Variants in FABP12 observed in about 807,000 individuals in gnomAD.
FABP12 encodes the protein fatty acid-binding protein 12.
FABP12 carries 19 observed loss-of-function variants against 13.7 expected under a neutral mutation model. The observed-to-expected ratio is 1.39, with a 90% CI of 0.97 to 2.04. The LOEUF is 2.04. Ranked by LOEUF, FABP12 falls within the 30% of genes most tolerant of loss-of-function variation. The pLI, the probability that FABP12 is intolerant of heterozygous loss-of-function variation, is 0.00. For missense variants in FABP12, 182 were observed against 164.2 expected, an observed-to-expected ratio of 1.11 and a Z score of -0.59; for synonymous variants, 61 against 57.0, an observed-to-expected ratio of 1.07 and a Z score of -0.32.
chr8:81,548,805 G>T (rs1809478901), intron 1 of FABP12, among the ~76,000 whole-genome samples: 2 of 152,118 alleles, frequency 1.3e-5, no homozygotes, highest in South Asian at 2.1e-4. Context: ...TGGGGGTGGG[G>T]CTGATAATGT....
chr8:81,554,758 C>T (rs183052281), intron 1 of FABP12, among the ~76,000 whole-genome samples: 181 of 151,946 alleles, frequency 1.2e-3, no homozygotes, highest in Non-Finnish European at 1.5e-3. Context: ...AGAATTGTCT[C>T]GGGCTACATA....
chr8:81,561,568 G>A (rs1438860624), intron 1 of FABP12, among the ~76,000 whole-genome samples: 1 of 152,186 alleles, frequency 6.6e-6, no homozygotes, highest in African/African-American at 2.4e-5. Context: ...ACTGAGAGAG[G>A]CACTGAAGAG....
chr8:81,537,458 C>T (rs113851329), upstream of FABP12, among the ~76,000 whole-genome samples: 21 of 151,980 alleles, frequency 1.4e-4, no homozygotes, highest in African/African-American at 2.7e-4. Flanking sequence ...GTTTTCCATG[C>T]GGTTCTAATG....
At chr8:81,545,899 C>G (rs1809428183) in intron 1 of FABP12, among the ~76,000 whole-genome samples, 1 of 152,198 alleles carries the variant, frequency 6.6e-6, no homozygotes, top group African/African-American at 2.4e-5. Flanking sequence ...TCTAGAAAGT[C>G]ATAGGTCCAC....
chr8:81,546,592 G>A (rs1809438002), intron 1 of FABP12, among the ~76,000 whole-genome samples: 1 of 152,176 alleles, frequency 6.6e-6, no homozygotes, highest in African/African-American at 2.4e-5. Flanking sequence ...CAACCTGGGA[G>A]GTGGAGTGAG....
chr8:81,528,715 A>C (rs1808975608), intron 3 of FABP12, among the ~76,000 whole-genome samples: 1 of 152,074 alleles, frequency 6.6e-6, no homozygotes, highest in Non-Finnish European at 1.5e-5. Flanking sequence ...ATACGTGTAG[A>C]AGTAAATTAC....
chr8:81,548,640 C>T (rs1191185687), intron 1 of FABP12, among the ~76,000 whole-genome samples: 1 of 152,126 alleles, frequency 6.6e-6, no homozygotes, highest in Non-Finnish European at 1.5e-5. Context: ...CCCACAAGGT[C>T]GGGCCTCTCT....
chr8:81,577,149 A>C (rs1434610227), intron 1 of FABP12, among the ~76,000 whole-genome samples: 2 of 152,224 alleles, frequency 1.3e-5, no homozygotes, highest in East Asian at 3.8e-4. Flanking sequence ...GCATGTGTGA[A>C]TACATCTATA....
chr8:81,569,231 T>C (rs569123313), intron 1 of FABP12, among the ~76,000 whole-genome samples: 154 of 152,334 alleles, frequency 1.0e-3, no homozygotes, highest in African/African-American at 3.7e-3. Context: ...TAAATATATA[T>C]ATCTGATATA....
At position 81,570,195 on chromosome 8, in the gene FABP12, C is replaced by T. The variant is rs185766990; in HGVS notation, c.-185+19858G>A. 3.9e-4 allele frequency among the ~76,000 whole-genome samples: 60 copies of T among 152,322 alleles called. No individual in the cohort carries two copies. In the South Asian group the frequency reaches 6.8e-3, roughly 17 times the overall value. On this transcript the variant is annotated intron_variant, in intron 1 of 5. Coordinates refer to the FABP12 transcript ENST00000692030. ...TGGAGATGCCAAGATCCACAAGGAC[C>T]CAAAGAGTGAGTCACAGCCCTGGCT...
At chr8:81,544,810 G>A (rs1482688729) in intron 1 of FABP12, among the ~76,000 whole-genome samples, 1 of 152,166 alleles carries the variant, frequency 6.6e-6, no homozygotes, top group East Asian at 1.9e-4. Flanking sequence ...TAACTGCAGT[G>A]ACCTGTTCAA....
At chr8:81,569,915 G>A (rs536013454) in intron 1 of FABP12, among the ~76,000 whole-genome samples, 28 of 152,206 alleles carry the variant, frequency 1.8e-4, no homozygotes, top group Non-Finnish European at 3.4e-4. Flanking sequence ...CTGCCCGCTC[G>A]GCCTGGCAGG....
At chr8:81,568,312 CA>C (rs993307782) in intron 1 of FABP12, among the ~76,000 whole-genome samples, 2 of 151,962 alleles carry the variant, frequency 1.3e-5, no homozygotes, top group African/African-American at 4.8e-5. Context: ...TAAAAATGGG[CA>C]AAAGATCTGA....
intron 1 of FABP12, among the ~76,000 whole-genome samples, chr8:81,546,499 A>C (rs1185929589): frequency 7.2e-6 from 1 of 138,638 alleles, no homozygotes; most frequent in African/African-American, 2.8e-5. Flanking sequence ...TAAAAATACA[A>C]AAAAAAAAAA....
chr8:81,533,803 T>G (rs1809151076), exon 1 of FABP12, among the ~76,000 whole-genome samples: 1 of 152,144 alleles, frequency 6.6e-6, no homozygotes, highest in Non-Finnish European at 1.5e-5. Flanking sequence ...TGCAGTTACC[T>G]TAGGACTTCT....
intron 1 of FABP12, among the ~76,000 whole-genome samples, chr8:81,567,844 G>A (rs1345202545): frequency 6.6e-6 from 1 of 151,854 alleles, no homozygotes. Context: ...CCACACGGCC[G>A]GGCGCGGTGG....
chr8:81,531,255 T>C (rs774168129), exon 2 of FABP12: 3 of 1,606,486 alleles, frequency 1.9e-6, no homozygotes, highest in Non-Finnish European at 1.7e-6. Context: ...AGCTCCTTCA[T>C]GTAGTCTTCG....
chr8:81,557,380 T>C (rs1243172228), intron 1 of FABP12, among the ~76,000 whole-genome samples: 2 of 152,224 alleles, frequency 1.3e-5, no homozygotes, highest in African/African-American at 4.8e-5. Flanking sequence ...GTATTTGTTA[T>C]TTTTTCCAGG....
At chr8:81,542,860 G>A (rs552186494) in intron 1 of FABP12, among the ~76,000 whole-genome samples, 1 of 152,266 alleles carries the variant, frequency 6.6e-6, no homozygotes, top group East Asian at 1.9e-4. Flanking sequence ...CACAACATCA[G>A]TGATTAAAAC....
Sources: allele counts gnomAD v4.1 joint callset (sites outside exome capture counted in the v4.1 genomes callset), GRCh38; gene constraint gnomAD v4.1.1; transcripts MANE v1.5; gene names NCBI Gene and HGNC (gene_info 2026-07-23, HGNC 2026-07-21).